Variants in NRIP1 observed in about 807,000 individuals in gnomAD.
The protein encoded by NRIP1 is nuclear receptor interacting protein 1, also known as nuclear receptor-interacting protein 1.
In NRIP1, 28 loss-of-function variants were observed where a neutral mutation model predicts 75.0. That is an observed-to-expected ratio of 0.37 (90% CI 0.28 to 0.51). NRIP1 has a LOEUF of 0.51. Ranked by LOEUF, NRIP1 falls within the 20% of genes least tolerant of loss-of-function variation. NRIP1 has a pLI of 0.92. For missense variants in NRIP1, 1,435 were observed against 1,343.7 expected, an observed-to-expected ratio of 1.07 and a Z score of -1.06; for synonymous variants, 526 against 487.6, an observed-to-expected ratio of 1.08 and a Z score of -1.04.
chr21:15,039,923 T>C (rs555176533), intron 2 of NRIP1, among the ~76,000 whole-genome samples: 70 of 152,146 alleles, frequency 4.6e-4, no homozygotes, highest in African/African-American at 1.5e-3. Context: ...TATTCCAAAA[T>C]AGAAGGAAAA....
intron 1 of NRIP1, chr21:15,050,993 G>GC (rs1410621090): frequency 2.3e-6 from 1 of 434,556 alleles, no homozygotes; most frequent in Non-Finnish European, 4.6e-6. Flanking sequence ...AGTAGCAGTA[G>GC]CATTTACCTA....
In NRIP1 at chr21:14,967,961, T is replaced by C. The variant is rs761378052; in HGVS notation, c.232A>G (p.Met78Val). ...LNTHTYQGSG[M>V]LHLKKARLLQ... ...AGTCTGGCTTTTTTGAGGTGCAGCA[T>C]GCCAGACCCCTGATATGTATGTGTA... The change falls in exon 4 of 4, where the codon ATG (methionine) becomes GTG (valine). Residue 78 changes from methionine (M) to valine (V), a missense_variant. Physicochemically the swap from Met to Val is conservative, Grantham distance 21. Transcript: ENST00000318948. 5 of 1,614,064 alleles carry C rather than the reference T, an allele frequency of 3.1e-6. No homozygotes were observed. Among genetic ancestry groups the C allele is most frequent in the South Asian group, 1.1e-5 (1 of 91,080 alleles).
At chr21:15,012,742 T>G (rs182519622) in intron 3 of NRIP1, among the ~76,000 whole-genome samples, 2 of 152,236 alleles carry the variant, frequency 1.3e-5, no homozygotes, top group East Asian at 1.9e-4. Context: ...TGAGACACCA[T>G]GCCTGGCTGT....
chr21:15,008,634 A>T (rs935086199), intron 3 of NRIP1, among the ~76,000 whole-genome samples: 5 of 152,176 alleles, frequency 3.3e-5, no homozygotes, highest in African/African-American at 4.8e-5. Context: ...CCGTGCAGTT[A>T]TTAAAAAAAA....
intron 1 of NRIP1, among the ~76,000 whole-genome samples, chr21:15,062,929 C>CTGGG (rs1978445346): frequency 3.3e-5 from 5 of 152,288 alleles, no homozygotes; most frequent in Admixed American, 1.3e-4. Flanking sequence ...GTAAAAGAGG[C>CTGGG]ATTAAACCTG....
chr21:15,035,718 G>A (rs1035398252), intron 2 of NRIP1, among the ~76,000 whole-genome samples: 1 of 151,852 alleles, frequency 6.6e-6, no homozygotes, highest in Non-Finnish European at 1.5e-5. Context: ...CACCATGGCC[G>A]GTTGATTTTT....
intron 2 of NRIP1, among the ~76,000 whole-genome samples, chr21:15,033,327 A>G (rs112976488): frequency 1.2e-4 from 17 of 144,740 alleles, no homozygotes; most frequent in African/African-American, 4.5e-4. Flanking sequence ...AACTCTATGA[A>G]TTTATTTCCA....
At position 14,967,910 on chromosome 21, in the gene NRIP1, C is replaced by CAT; in HGVS notation, c.281_282dup (p.Ala95MetfsTer13). On this transcript the variant is annotated frameshift_variant, in exon 4 of 4. Transcript: ENST00000318948. LOFTEE classifies it high-confidence loss of function. The stretch of plus-strand genomic sequence containing the variant: ...TCAGACAGCCTCTTCCGCTTTGCTG[C>CAT]ATTCCAGTCCTCAGAAGACTGCAAC... 1 of 1,614,166 alleles carries CAT rather than the reference C, an allele frequency of 6.2e-7. No homozygotes were observed. Among genetic ancestry groups the CAT allele is most frequent in the Non-Finnish European group, 8.5e-7 (1 of 1,180,044 alleles).
intron 3 of NRIP1, among the ~76,000 whole-genome samples, chr21:14,986,777 ACTTACAAACAT>A (rs1347647161): frequency 6.6e-6 from 1 of 152,232 alleles, no homozygotes; most frequent in Non-Finnish European, 1.5e-5. Flanking sequence ...CTTAAACTAA[ACTTACAAACAT>A]CTTATCCTTC....
intron 2 of NRIP1, among the ~76,000 whole-genome samples, chr21:15,030,951 TCACCAC>T: frequency 7.6e-6 from 1 of 131,454 alleles, no homozygotes; most frequent in Admixed American, 7.5e-5. Context: ...ACTCAGAGGA[TCACCAC>T]ATTCCCTTTC....
At chr21:14,979,484 G>C (rs772324044) in intron 3 of NRIP1, among the ~76,000 whole-genome samples, 41 of 152,142 alleles carry the variant, frequency 2.7e-4, no homozygotes, top group Non-Finnish European at 4.7e-4. Context: ...CAACAGAACT[G>C]ATGTAACCAG....
intron 3 of NRIP1, among the ~76,000 whole-genome samples, chr21:15,012,641 C>T (rs1364446454): frequency 6.6e-6 from 1 of 151,850 alleles, no homozygotes; most frequent in African/African-American, 2.4e-5. Flanking sequence ...TTAGTAGAGA[C>T]AGGGTTTCAC....
At chr21:15,057,295 C>CATA (rs1380506637) in intron 1 of NRIP1, among the ~76,000 whole-genome samples, 1 of 152,182 alleles carries the variant, frequency 6.6e-6, no homozygotes, top group East Asian at 1.9e-4. Context: ...GCCTTGGGAA[C>CATA]ACTCAGTTTA....
At chr21:15,064,465 G>C (rs1486086372) in intron 1 of NRIP1, among the ~76,000 whole-genome samples, 2 of 152,082 alleles carry the variant, frequency 1.3e-5, no homozygotes, top group African/African-American at 4.8e-5. Context: ...CAGGGGCCAC[G>C]CGACGGCCGC....
chr21:15,042,410 TCAC>T (rs2088976641), intron 2 of NRIP1, among the ~76,000 whole-genome samples: 1 of 152,216 alleles, frequency 6.6e-6, no homozygotes, highest in African/African-American at 2.4e-5. Context: ...AAGACTATGT[TCAC>T]CACTGACATT....
intron 3 of NRIP1, among the ~76,000 whole-genome samples, chr21:14,972,805 T>C (rs545211364): frequency 1.3e-5 from 2 of 152,310 alleles, no homozygotes; most frequent in East Asian, 3.9e-4. Flanking sequence ...GTGGGGAACC[T>C]AGATCCCTCA....
At chr21:14,980,228 A>G (rs1191236134) in intron 3 of NRIP1, among the ~76,000 whole-genome samples, 1 of 152,060 alleles carries the variant, frequency 6.6e-6, no homozygotes, top group African/African-American at 2.4e-5. Context: ...TGGTGGCTCA[A>G]CCTGTAATCC....
In NRIP1 at chr21:14,967,633, GT is replaced by G; in HGVS notation, c.559del (p.Thr187LeufsTer3). On this transcript the variant is annotated frameshift_variant, in exon 4 of 4. Coordinates refer to ENST00000318948, the MANE Select transcript of NRIP1 (RefSeq NM_003489.4). LOFTEE classifies it high-confidence loss of function. ...CYGVASSHLKTLLKKSKVKDQ... is the reference protein window; with the variant it reads ...CYGVASSHLKXLLKKSKVKDQ... ...TTTAACTTTACTTTTCTTCAACAAAGTTTTTAAGTGACTTGATGCAACACCA... is the reference window on the plus strand; with the variant it reads ...TTTAACTTTACTTTTCTTCAACAAAGTTTTAAGTGACTTGATGCAACACCA... 6.2e-7 allele frequency: 1 copy of G among 1,613,772 alleles called. No homozygotes were observed. Among genetic ancestry groups the G allele is most frequent in the Non-Finnish European group, 8.5e-7 (1 of 1,179,948 alleles).
chr21:14,982,181 C>A (rs913654863), intron 3 of NRIP1, among the ~76,000 whole-genome samples: 10 of 152,128 alleles, frequency 6.6e-5, no homozygotes, highest in Admixed American at 5.9e-4. Flanking sequence ...TTACTTAAAT[C>A]TTTACATCAG....
Sources: gnomAD v4.1 joint callset for allele counts (sites outside exome capture counted in the v4.1 genomes callset) on GRCh38, gnomAD v4.1.1 for gene constraint, MANE v1.5 for transcripts, NCBI Gene and HGNC (gene_info 2026-07-23, HGNC 2026-07-21) for gene names.